PARM1: variants seen among roughly 807,000 people sequenced by gnomAD.
The protein encoded by PARM1 is prostate androgen-regulated mucin-like protein 1, also known as WSC4, cell wall integrity and stress response component 4 homolog.
PARM1 carries 14 observed loss-of-function variants against 24.6 expected under a neutral mutation model. The ratio of observed to expected loss-of-function variants is 0.57; its 90% confidence interval spans 0.38 to 0.89. The LOEUF is 0.89. Among genes scored for constraint, PARM1 ranks in the 40% least tolerant of loss-of-function variants. The pLI, the probability that PARM1 is intolerant of heterozygous loss-of-function variation, is 0.00. For synonymous variants in PARM1, 179 were observed against 156.6 expected (o/e 1.14, Z -1.07); for missense variants, 362 against 380.4 (o/e 0.95, Z 0.40).
intron 1 of PARM1, among the ~76,000 whole-genome samples, chr4:74,964,586 C>A (rs1375398131): frequency 1.3e-5 from 2 of 151,694 alleles, no homozygotes; most frequent in African/African-American, 4.9e-5. Flanking sequence ...CACATTGCAT[C>A]CTTCCTTGAT....
At chr4:74,933,456 C>G in intron 1 of PARM1, 86 bp downstream of exon 1, 2 of 1,185,202 alleles carry the variant, frequency 1.7e-6, no homozygotes, top group Admixed American at 1.7e-5. Context: ...CTAGGAGATC[C>G]GGCAGTGAGT....
chr4:74,951,926 G>A (rs1221026527), intron 1 of PARM1, among the ~76,000 whole-genome samples: 1 of 152,194 alleles, frequency 6.6e-6, no homozygotes, highest in Non-Finnish European at 1.5e-5. Context: ...ATAGTAGAAT[G>A]ATTTATAATC....
intron 1 of PARM1, among the ~76,000 whole-genome samples, chr4:75,001,538 C>A (rs1303367361): frequency 1.3e-5 from 2 of 152,168 alleles, no homozygotes; most frequent in Admixed American, 1.3e-4. Flanking sequence ...CTTGATCTTG[C>A]TGGCGGTAGC....
rs1723687540 is a variant in PARM1 at position 75,049,957 on chromosome 4, A to G, written c.*3710A>G. The stretch of plus-strand genomic sequence containing the variant: ...TGGTAATAATGCTAACCAAGAGATC[A>G]ATGCCAGATTTTTCTCTTGGGGTAA... On this transcript the variant is annotated 3_prime_UTR_variant, in exon 4 of 4. Coordinates refer to ENST00000307428, the MANE Select transcript of PARM1 (RefSeq NM_015393.4). 1 of 151,552 alleles carries G rather than the reference A, an allele frequency of 6.6e-6. No individual in the cohort carries two copies. The allele number at this position is 151,552 out of a possible 1,614,324, so 9.4% of individuals were successfully genotyped here.
chr4:75,014,050 C>G (rs562116877), intron 2 of PARM1, among the ~76,000 whole-genome samples: 181 of 152,246 alleles, frequency 1.2e-3, no homozygotes, highest in African/African-American at 4.3e-3. Flanking sequence ...TGCAGCCCCT[C>G]CCCTGGGTGG....
intron 1 of PARM1, among the ~76,000 whole-genome samples, chr4:74,958,088 C>T (rs926972519): frequency 6.6e-6 from 1 of 152,172 alleles, no homozygotes; most frequent in African/African-American, 2.4e-5. Context: ...ACCTTGCTCC[C>T]TGCCTGAAGG....
intron 2 of PARM1, among the ~76,000 whole-genome samples, chr4:75,024,387 G>A (rs1377080139): frequency 1.3e-5 from 2 of 152,146 alleles, no homozygotes; most frequent in Non-Finnish European, 2.9e-5. Flanking sequence ...TGATGTCACT[G>A]CCCTTGGTCA....
rs181276258 is a variant in PARM1 at position 75,046,142 on chromosome 4, C to A, written c.849-21C>A. 1.1e-4 allele frequency: 172 copies of A among 1,564,784 alleles called. 1 individual carries two copies. In the African/African-American group the frequency reaches 1.9e-3, roughly 17 times the overall value. On this transcript the variant is annotated intron_variant, in intron 3 of 3. Coordinates refer to ENST00000307428, the MANE Select transcript of PARM1 (RefSeq NM_015393.4). Reference sequence around the variant, plus strand: ...GGCAACTTTTCCAAGTAATCACAACCCTCTTCTGTTTCTCCACCAGGCATT... The same window carrying A: ...GGCAACTTTTCCAAGTAATCACAACACTCTTCTGTTTCTCCACCAGGCATT...
intron 1 of PARM1, among the ~76,000 whole-genome samples, chr4:74,953,393 C>T: frequency 6.6e-6 from 1 of 152,120 alleles, no homozygotes; most frequent in East Asian, 1.9e-4. Flanking sequence ...GCAAACAAAG[C>T]TCCTTGATGA....
At chr4:74,974,895 G>A (rs1035706239) in intron 1 of PARM1, among the ~76,000 whole-genome samples, 1 of 152,102 alleles carries the variant, frequency 6.6e-6, no homozygotes, top group African/African-American at 2.4e-5. Flanking sequence ...GGCAAAAGGT[G>A]GTCATTAGCA....
chr4:75,009,491 C>A (rs1722829413), intron 1 of PARM1, among the ~76,000 whole-genome samples: 1 of 152,118 alleles, frequency 6.6e-6, no homozygotes, highest in Admixed American at 6.5e-5. Context: ...CCTCAGGGTA[C>A]ATAGAGTTAA....
chr4:75,038,069 A>C (rs1053198623), intron 3 of PARM1, among the ~76,000 whole-genome samples: 1 of 152,062 alleles, frequency 6.6e-6, no homozygotes, highest in African/African-American at 2.4e-5. Flanking sequence ...GGCACACACC[A>C]CCACACCTGG....
At chr4:74,984,100 G>C (rs1722308194) in intron 1 of PARM1, among the ~76,000 whole-genome samples, 1 of 152,148 alleles carries the variant, frequency 6.6e-6, no homozygotes, top group Non-Finnish European at 1.5e-5. Context: ...AGGGTGTCTG[G>C]ACCATTCAGA....
At chr4:74,940,292 G>C (rs968017377) in intron 1 of PARM1, among the ~76,000 whole-genome samples, 2 of 152,148 alleles carry the variant, frequency 1.3e-5, no homozygotes, top group Non-Finnish European at 2.9e-5. Context: ...CATGGTTTTA[G>C]TTTTGTAGGA....
At chr4:75,004,679 G>C (rs576694918) in intron 1 of PARM1, among the ~76,000 whole-genome samples, 1 of 152,094 alleles carries the variant, frequency 6.6e-6, no homozygotes, top group African/African-American at 2.4e-5. Flanking sequence ...AAAGACAGTA[G>C]GAATCCTGTG....
intron 1 of PARM1, among the ~76,000 whole-genome samples, chr4:74,949,737 G>A (rs1267556078): frequency 1.3e-5 from 2 of 152,046 alleles, no homozygotes; most frequent in African/African-American, 4.8e-5. Flanking sequence ...TTATAGAAGA[G>A]AGCCTAGACA....
chr4:75,028,435 C>T (rs549714060), intron 2 of PARM1, among the ~76,000 whole-genome samples: 10 of 152,290 alleles, frequency 6.6e-5, no homozygotes, highest in African/African-American at 1.2e-4. Flanking sequence ...GAAGGAGCTG[C>T]GGCACACCCT....
At chr4:74,971,096 T>C (rs1722024994) in intron 1 of PARM1, among the ~76,000 whole-genome samples, 2 of 152,338 alleles carry the variant, frequency 1.3e-5, no homozygotes, top group South Asian at 4.1e-4. Flanking sequence ...TGTATTAGTC[T>C]GTTCTCACAG....
intron 3 of PARM1, among the ~76,000 whole-genome samples, chr4:75,045,881 C>G (rs1723591849): frequency 1.3e-5 from 2 of 152,126 alleles, no homozygotes; most frequent in Non-Finnish European, 2.9e-5. Flanking sequence ...GAAATGGGGC[C>G]TCCTCTTCCT....
Sources: gnomAD v4.1 joint callset for allele counts (sites outside exome capture counted in the v4.1 genomes callset) on GRCh38, gnomAD v4.1.1 for gene constraint, MANE v1.5 for transcripts, NCBI Gene and HGNC (gene_info 2026-07-23, HGNC 2026-07-21) for gene names.